The following GALNT18 variants were observed in gnomAD, a reference collection of about 807,000 sequenced individuals.
GALNT18 encodes the protein GalNAc-transferase 18.
In GALNT18, 44 loss-of-function variants were observed where a neutral mutation model predicts 69.5. The ratio of observed to expected loss-of-function variants is 0.63; its 90% CI spans 0.50 to 0.81. The LOEUF is 0.81. GALNT18 is among the 40% of genes least tolerant of loss of function. GALNT18 has a pLI of 0.00. For synonymous variants in GALNT18, 364 were observed against 318.2 expected (o/e 1.14, Z -1.53); for missense variants, 715 against 810.0 (o/e 0.88, Z 1.42).
intron 9 of GALNT18, among the ~76,000 whole-genome samples, chr11:11,297,796 A>G (rs1849428228): frequency 6.6e-6 from 1 of 152,180 alleles, no homozygotes; most frequent in African/African-American, 2.4e-5. Flanking sequence ...CTCAGCTGCC[A>G]ATGATTGATT....
At chr11:11,295,910 T>TG (rs1298130820) in intron 9 of GALNT18, among the ~76,000 whole-genome samples, 2 of 152,124 alleles carry the variant, frequency 1.3e-5, no homozygotes, top group Non-Finnish European at 2.9e-5. Context: ...AAAGCTATCC[T>TG]GGGCAAGAGG....
rs900148590 is a variant in GALNT18 at position 11,540,330 on chromosome 11, T to G, written c.235+81029A>C. 2.0e-5 allele frequency among the ~76,000 whole-genome samples: 3 copies of G among 152,138 alleles called. No individual in the cohort carries two copies. The highest frequency in any genetic ancestry group is 4.8e-5 in the African/African-American group (2 of 41,418). On this transcript the variant is annotated intron_variant, in intron 1 of 10. Coordinates refer to ENST00000227756, the MANE Select transcript of GALNT18 (RefSeq NM_198516.3). This position sits in a 1 kb window ranked among gnomAD's most constrained non-coding sequence, Gnocchi z 4.6. ...TTTTCTTCGTCGTTGCCATGGAAAC[T>G]TGTGACTCCTACATCCCTGATGCTA...
In GALNT18 at chr11:11,432,887, G is replaced by A. The variant is rs113686474; in HGVS notation, c.429-100C>T. ...TGGCTCCAGCTTTGCTGGAGGGCTC[G>A]GGAGTCCAGATTCTTCCAAGGGCCC... is the stretch of plus-strand genomic sequence containing the variant. On this transcript the variant is annotated intron_variant, in intron 2 of 10. Coordinates refer to ENST00000227756, the MANE Select transcript of GALNT18 (RefSeq NM_198516.3). This position sits in a 1 kb window ranked among gnomAD's most constrained non-coding sequence, Gnocchi z 5.8. 747 of 1,195,774 alleles carry A rather than the reference G, an allele frequency of 6.2e-4. 5 individuals are homozygous for A. In the African/African-American group the frequency reaches 1.0e-2, roughly 16 times the overall value. 74.1% of individuals were successfully genotyped at this position (1,195,774 alleles called of 1,614,324 possible).
At chr11:11,331,428 A>G (rs1324712312) in intron 8 of GALNT18, among the ~76,000 whole-genome samples, 1 of 152,142 alleles carries the variant, frequency 6.6e-6, no homozygotes, top group East Asian at 1.9e-4. Context: ...TGTATATGAT[A>G]TAAGAGTTGG....
At chr11:11,554,767 C>T (rs937285779) in intron 1 of GALNT18, among the ~76,000 whole-genome samples, 1 of 152,158 alleles carries the variant, frequency 6.6e-6, no homozygotes, top group Admixed American at 6.5e-5. Flanking sequence ...ATGGCTCACA[C>T]ACAGCCAGCT....
intron 1 of GALNT18, among the ~76,000 whole-genome samples, chr11:11,510,830 G>A (rs529394165): frequency 6.6e-6 from 1 of 152,286 alleles, no homozygotes; most frequent in East Asian, 1.9e-4. Flanking sequence ...TCAAAGCCAG[G>A]CTTCTGTGAT....
chr11:11,516,153 C>G (rs535651557), intron 1 of GALNT18, among the ~76,000 whole-genome samples: 17 of 152,224 alleles, frequency 1.1e-4, no homozygotes, highest in African/African-American at 3.9e-4. Flanking sequence ...CTAAGTGGGC[C>G]CAGCTGGAAG....
Position 11,604,992 on chromosome 11 carries a change from T to G in GALNT18, c.235+16367A>C, listed in dbSNP as rs1181582053. ...AGTCCTTTTTAAATGACATTTTCAA[T>G]TTTTCCCCTATGTCTACTATGCCCT... On this transcript the variant is annotated intron_variant, in intron 1 of 10. Coordinates refer to ENST00000227756, the MANE Select transcript of GALNT18 (RefSeq NM_198516.3). The surrounding 1 kb of genome is among the most constrained non-coding windows in gnomAD (Gnocchi z 5.6). Among the ~76,000 whole-genome samples, 1 of 152,174 alleles carries G rather than the reference T, an allele frequency of 6.6e-6. No individual in the cohort carries two copies. The highest frequency in any genetic ancestry group is 1.5e-5 in the Non-Finnish European group (1 of 68,022).
intron 1 of GALNT18, among the ~76,000 whole-genome samples, chr11:11,557,559 A>G (rs1265294359): frequency 6.6e-6 from 1 of 152,280 alleles, no homozygotes; most frequent in Non-Finnish European, 1.5e-5. Context: ...AGGGATAAAA[A>G]TATCTCCCTC....
rs1404545688 is a variant in GALNT18, at chr11:11,619,226, G to T, written c.235+2133C>A. On this transcript the variant is annotated intron_variant, in intron 1 of 10. Coordinates refer to ENST00000227756, the MANE Select transcript of GALNT18 (RefSeq NM_198516.3). This position sits in a 1 kb window ranked among gnomAD's most constrained non-coding sequence, Gnocchi z 4.9. ...AGCTTTGGCCCTCTGTCGAGATTGT[G>T]GTTATTTCTGAATACCCACAGGGGT... 6.6e-6 allele frequency among the ~76,000 whole-genome samples: 1 copy of T among 152,106 alleles called. No homozygotes were observed. Among genetic ancestry groups the T allele is most frequent in the East Asian group, 1.9e-4 (1 of 5,196 alleles).
chr11:11,526,923 C>A (rs529564556), intron 1 of GALNT18, among the ~76,000 whole-genome samples: 1 of 152,296 alleles, frequency 6.6e-6, no homozygotes, highest in South Asian at 2.1e-4. Context: ...CTAAGATGGA[C>A]AGGTTCCTCA....
chr11:11,379,681 G>T lies in GALNT18; in HGVS notation c.596-417C>A, dbSNP rs548818029. The stretch of plus-strand genomic sequence containing the variant: ...TCAGCACGGCTACCTCCTTCCTATT[G>T]GTCTCCATCTCCATCGGTGCTCCTA... On this transcript the variant is annotated intron_variant, in intron 3 of 10. Coordinates refer to ENST00000227756, the MANE Select transcript of GALNT18 (RefSeq NM_198516.3). 5.9e-5 allele frequency among the ~76,000 whole-genome samples: 9 copies of T among 152,270 alleles called. No individual in the cohort carries two copies. In the South Asian group the frequency reaches 1.9e-3, roughly 32 times the overall value.
At position 11,602,142 on chromosome 11, in the gene GALNT18, A is replaced by G. The variant is rs1859647654; in HGVS notation, c.235+19217T>C. On this transcript the variant is annotated intron_variant, in intron 1 of 10. Coordinates refer to ENST00000227756, the MANE Select transcript of GALNT18 (RefSeq NM_198516.3). The surrounding 1 kb of genome is among the most constrained non-coding windows in gnomAD (Gnocchi z 4.7). Reference sequence around the variant, plus strand: ...ATACCACTGCTCTGGAGTTGTAAGTAGGAATAGCAGCCTAATTCTTTCTCC... The same window carrying G: ...ATACCACTGCTCTGGAGTTGTAAGTGGGAATAGCAGCCTAATTCTTTCTCC... 1.3e-5 allele frequency among the ~76,000 whole-genome samples: 2 copies of G among 152,204 alleles called. No homozygotes were observed. Among genetic ancestry groups the G allele is most frequent in the African/African-American group, 4.8e-5 (2 of 41,454 alleles).
intron 2 of GALNT18, among the ~76,000 whole-genome samples, chr11:11,445,746 G>A (rs1193440413): frequency 6.6e-6 from 1 of 152,194 alleles, no homozygotes; most frequent in Non-Finnish European, 1.5e-5. Flanking sequence ...TTTTATCAGA[G>A]ATTCTGTTTT....
chr11:11,344,370 C>A (rs1439430830), intron 6 of GALNT18, among the ~76,000 whole-genome samples: 1 of 152,246 alleles, frequency 6.6e-6, no homozygotes, highest in Non-Finnish European at 1.5e-5. Context: ...GCACCCCCTT[C>A]CGCTAGGTTT....
At chr11:11,575,589 T>C (rs1278205083) in intron 1 of GALNT18, among the ~76,000 whole-genome samples, 4 of 152,238 alleles carry the variant, frequency 2.6e-5, no homozygotes, top group South Asian at 2.1e-4. Flanking sequence ...CGGGCAAACG[T>C]TGAATTGAGT....
chr11:11,576,616 G>A (rs1050103226), intron 1 of GALNT18, among the ~76,000 whole-genome samples: 4 of 152,206 alleles, frequency 2.6e-5, no homozygotes, highest in African/African-American at 7.2e-5. Flanking sequence ...GGAAATTGAG[G>A]CCACACAGCT....
chr11:11,273,434 G>C (rs919174718), intron 10 of GALNT18, among the ~76,000 whole-genome samples: 5 of 152,142 alleles, frequency 3.3e-5, no homozygotes, highest in African/African-American at 7.2e-5. Context: ...TGGCAAACAG[G>C]TTATGGAAAA....
At position 11,350,447 on chromosome 11, in the gene GALNT18, G is replaced by A. The variant is rs148658858; in HGVS notation, c.1093-9443C>T. On this transcript the variant is annotated intron_variant, in intron 6 of 10. Coordinates refer to ENST00000227756, the MANE Select transcript of GALNT18 (RefSeq NM_198516.3). ...CCTCAAATCTCATATCAGCCAACAG[G>A]CCTGATTACTATTGTTCAAACTCAG... Among the ~76,000 whole-genome samples, 233 of 152,306 alleles carry A rather than the reference G, an allele frequency of 1.5e-3. 1 individual carries two copies. The highest frequency in any genetic ancestry group is 5.3e-3 in the African/African-American group (222 of 41,578).
Sources: gnomAD v4.1 joint callset for allele counts (sites outside exome capture counted in the v4.1 genomes callset) on GRCh38, gnomAD v4.1.1 for gene constraint, Gnocchi (gnomAD v3.1) non-coding constraint, MANE v1.5 for transcripts, NCBI Gene and HGNC (gene_info 2026-07-23, HGNC 2026-07-21) for gene names.